Variants in SNTG1 observed in about 807,000 individuals in gnomAD.
SNTG1 encodes the protein syntrophin gamma 1.
SNTG1 carries 39 observed loss-of-function variants against 74.7 expected under a neutral mutation model. That is an observed-to-expected ratio of 0.52 (90% CI 0.40 to 0.68). The LOEUF is 0.68. Among genes scored for constraint, SNTG1 ranks in the 30% least tolerant of loss-of-function variants. SNTG1 has a pLI of 0.00. For synonymous variants in SNTG1, 254 were observed against 217.1 expected, an observed-to-expected ratio of 1.17 and a Z score of -1.49; for missense variants, 685 against 609.5, an observed-to-expected ratio of 1.12 and a Z score of -1.30.
At chr8:50,578,844 C>T (rs913796152) in intron 12 of SNTG1, among the ~76,000 whole-genome samples, 3 of 152,110 alleles carry the variant, frequency 2.0e-5, no homozygotes, top group Non-Finnish European at 4.4e-5. Flanking sequence ...TATAAATTAC[C>T]CAGACTTGGG....
intron 1 of SNTG1, among the ~76,000 whole-genome samples, chr8:50,045,081 G>A (rs574864357): frequency 1.3e-5 from 2 of 152,170 alleles, no homozygotes; most frequent in Non-Finnish European, 2.9e-5. Flanking sequence ...CCAGTGTTAG[G>A]AGACAGTAGG....
intron 2 of SNTG1, among the ~76,000 whole-genome samples, chr8:50,388,331 T>C (rs1484053371): frequency 6.6e-6 from 1 of 152,204 alleles, no homozygotes; most frequent in Non-Finnish European, 1.5e-5. Flanking sequence ...GCCTTATCAA[T>C]ACTTGAGTAG....
At chr8:50,667,930 T>C (rs1259587636) in intron 15 of SNTG1, among the ~76,000 whole-genome samples, 2 of 152,030 alleles carry the variant, frequency 1.3e-5, no homozygotes, top group African/African-American at 4.8e-5. Flanking sequence ...CCTCTGATAA[T>C]AGAACTTTAA....
At chr8:50,768,230 T>C (rs759630957) in intron 18 of SNTG1, among the ~76,000 whole-genome samples, 229 of 152,158 alleles carry the variant, frequency 1.5e-3, no homozygotes, top group Admixed American at 3.0e-3. Flanking sequence ...AAATTGAGGA[T>C]TGACTCCCAT....
rs780361003 is a variant in SNTG1 at position 50,704,775 on chromosome 8, G to T, written c.1191+23G>T. ...CAGGTGAGAGTCTGTGGGACTGCAG[G>T]ATGTGTGGCTCCCTCAGATGCATGA... On this transcript the variant is annotated intron_variant, in intron 16 of 18. Coordinates refer to ENST00000642720, the MANE Select transcript of SNTG1 (RefSeq NM_018967.5). 12 of 1,612,982 alleles carry T rather than the reference G, an allele frequency of 7.4e-6. No homozygotes were observed. The East Asian group carries it at 2.7e-4, about 36-fold the overall frequency.
chr8:50,068,468 A>G (rs559592842), intron 1 of SNTG1, among the ~76,000 whole-genome samples: 67 of 152,230 alleles, frequency 4.4e-4, no homozygotes, highest in African/African-American at 1.5e-3. Context: ...TCTTTGTTTG[A>G]GTACTCCAGA....
At chr8:50,290,008 G>T (rs745639750) in intron 2 of SNTG1, among the ~76,000 whole-genome samples, 1 of 152,156 alleles carries the variant, frequency 6.6e-6, no homozygotes, top group Non-Finnish European at 1.5e-5. Context: ...TATTGCAGGG[G>T]ATAGGGGTAC....
At chr8:50,042,932 C>T (rs1257999844) in intron 1 of SNTG1, among the ~76,000 whole-genome samples, 1 of 152,112 alleles carries the variant, frequency 6.6e-6, no homozygotes, top group African/African-American at 2.4e-5. Flanking sequence ...GCAATTAAAG[C>T]AATGTAAAGA....
rs1341606847 is a variant in SNTG1, at chr8:50,266,682, G to GTATA, written c.-28+94048_-28+94049insATAT. 4.9e-3 allele frequency among the ~76,000 whole-genome samples: 667 copies of GTATA among 137,432 alleles called. 7 individuals carry two copies. Among genetic ancestry groups the GTATA allele is most frequent in the African/African-American group, 0.017 (608 of 36,162 alleles). The allele number at this position is 137,432 out of a possible 152,430, so 90.2% of individuals were successfully genotyped here. ...TGTGTGTGTGTGTGTGTGTGTGTGT[G>GTATA]TGTATATATATATATATGAATGATA... On this transcript the variant is annotated intron_variant, in intron 2 of 18. Transcript: ENST00000642720.
intron 13 of SNTG1, among the ~76,000 whole-genome samples, chr8:50,603,927 C>A (rs1478442223): frequency 4.6e-5 from 7 of 152,198 alleles, no homozygotes; most frequent in Non-Finnish European, 1.0e-4. Flanking sequence ...CCGAAGCCAG[C>A]AGAGCACTGA....
intron 1 of SNTG1, among the ~76,000 whole-genome samples, chr8:50,010,681 T>C (rs1042368919): frequency 5.3e-5 from 8 of 151,938 alleles, no homozygotes; most frequent in Non-Finnish European, 1.2e-4. Context: ...AAAAAATTCT[T>C]ACTAAAAACA....
At chr8:50,678,126 G>T (rs1013219070) in intron 15 of SNTG1, among the ~76,000 whole-genome samples, 1 of 151,400 alleles carries the variant, frequency 6.6e-6, no homozygotes, top group Admixed American at 6.6e-5. Flanking sequence ...AGAAAGAAAA[G>T]AAAAGAATAA....
intron 2 of SNTG1, among the ~76,000 whole-genome samples, chr8:50,226,516 G>A (rs540802717): frequency 2.4e-4 from 37 of 152,130 alleles, no homozygotes; most frequent in African/African-American, 8.2e-4. Context: ...TGTCTCTAAG[G>A]GCAGCCACTA....
intron 8 of SNTG1, among the ~76,000 whole-genome samples, chr8:50,467,484 T>C (rs1441742164): frequency 1.3e-5 from 2 of 151,898 alleles, no homozygotes. Context: ...ATAAGTATGA[T>C]CCCTCTTTCA....
chr8:50,735,918 A>T (rs1317990780), intron 17 of SNTG1, among the ~76,000 whole-genome samples: 1 of 152,114 alleles, frequency 6.6e-6, no homozygotes, highest in Non-Finnish European at 1.5e-5. Context: ...CTAACAGTGG[A>T]TCTCTCTGCA....
intron 2 of SNTG1, among the ~76,000 whole-genome samples, chr8:50,187,277 C>G (rs921370424): frequency 1.3e-5 from 2 of 152,094 alleles, no homozygotes; most frequent in Non-Finnish European, 2.9e-5. Flanking sequence ...TGCTACAAGG[C>G]TACAGCAATG....
intron 1 of SNTG1, among the ~76,000 whole-genome samples, chr8:50,051,636 G>A (rs1055530806): frequency 7.9e-5 from 12 of 152,052 alleles, no homozygotes; most frequent in Admixed American, 2.0e-4. Flanking sequence ...CTAGCTGTCA[G>A]TGGTTTCCCA....
chr8:50,735,534 T>C (rs764276624), intron 17 of SNTG1, among the ~76,000 whole-genome samples: 8 of 151,618 alleles, frequency 5.3e-5, no homozygotes, highest in Admixed American at 2.0e-4. Flanking sequence ...AGATTGAAGA[T>C]CAACTTAATG....
intron 11 of SNTG1, among the ~76,000 whole-genome samples, chr8:50,538,279 AC>A (rs2130425158): frequency 6.6e-6 from 1 of 152,268 alleles, no homozygotes; most frequent in African/African-American, 2.4e-5. Context: ...TTTTGCTTCA[AC>A]CATCAAATAA....
Sources: gnomAD v4.1 joint callset for allele counts (sites outside exome capture counted in the v4.1 genomes callset) on GRCh38, gnomAD v4.1.1 for gene constraint, MANE v1.5 for transcripts, NCBI Gene and HGNC (gene_info 2026-07-23, HGNC 2026-07-21) for gene names.